Variants in SPRY3 observed in about 807,000 individuals in gnomAD.
SPRY3 encodes protein sprouty homolog 3.
In SPRY3, 15 loss-of-function variants were observed where a neutral mutation model predicts 20.2. The ratio of observed to expected loss-of-function variants is 0.74; its 90% CI spans 0.50 to 1.14. The LOEUF is 1.14. SPRY3 is among the 50% of genes most tolerant of loss of function. SPRY3 has a pLI of 0.00. For missense variants in SPRY3, 364 were observed against 363.9 expected (o/e 1.00, Z 0.00); for synonymous variants, 143 against 136.5 (o/e 1.05, Z -0.33).
At chrX:155,645,760 A>T (rs2067955810) in intron 1 of SPRY3, among the ~76,000 whole-genome samples, 1 of 111,897 alleles carries the variant, frequency 8.9e-6, no homozygotes, top group Admixed American at 9.5e-5. Flanking sequence ...TGCCTCTTTC[A>T]GTGATTTGAA....
At chrX:155,620,764 G>T (rs2067868628) in intron 1 of SPRY3, among the ~76,000 whole-genome samples, 1 of 111,956 alleles carries the variant, frequency 8.9e-6, no homozygotes, top group Non-Finnish European at 1.9e-5. Context: ...TGGTTACACA[G>T]TGTATACATT....
chrX:155,735,165 T>C (rs2091159747), intron 2 of SPRY3, among the ~76,000 whole-genome samples: 1 of 151,980 alleles, frequency 6.6e-6, no homozygotes, highest in Non-Finnish European at 1.5e-5. Flanking sequence ...TTTCTTCCTA[T>C]TTTTCTGTTA....
At chrX:155,757,180 A>C (rs1290262304) in intron 2 of SPRY3, among the ~76,000 whole-genome samples, 1 of 152,170 alleles carries the variant, frequency 6.6e-6, no homozygotes, top group African/African-American at 2.4e-5. Context: ...TAACCCTCTG[A>C]TACCTCTCTG....
At chrX:155,722,754 T>C (rs2091068573) in intron 2 of SPRY3, among the ~76,000 whole-genome samples, 1 of 152,042 alleles carries the variant, frequency 6.6e-6, no homozygotes, top group African/African-American at 2.4e-5. Context: ...AAAAAAGTAA[T>C]ATCCTTTGAT....
rs192057977 is a variant in SPRY3, at chrX:155,630,681, A to C, written c.-441+18034A>C. ...GATCCTTTTTTTGTCTTTGATTTTT[A>C]ATAGTTTGGTCATAGTATTCTTATT... On this transcript the variant is annotated intron_variant, in intron 1 of 3. Transcript: ENST00000675360. 7.2e-5 allele frequency among the ~76,000 whole-genome samples: 8 copies of C among 110,909 alleles called. No individual in the cohort carries two copies. In the Admixed American group the frequency reaches 7.7e-4, roughly 11 times the overall value.
chrX:155,707,398 T>C (rs1221297774), intron 2 of SPRY3, among the ~76,000 whole-genome samples: 1 of 151,314 alleles, frequency 6.6e-6, no homozygotes, highest in African/African-American at 2.4e-5. Context: ...TGGCCTATTA[T>C]ATGGTCTATA....
chrX:155,767,495 G>A (rs1011904137), intron 2 of SPRY3, among the ~76,000 whole-genome samples: 1 of 151,740 alleles, frequency 6.6e-6, no homozygotes, highest in African/African-American at 2.4e-5. Context: ...CTGCTGCTTC[G>A]GTTCATCTGT....
At chrX:155,736,450 A>T (rs1195035588) in intron 2 of SPRY3, among the ~76,000 whole-genome samples, 2 of 151,870 alleles carry the variant, frequency 1.3e-5, no homozygotes, top group African/African-American at 4.8e-5. Context: ...GGACAGTTTA[A>T]TTGGATATAG....
At position 155,774,185 on chromosome X, in the gene SPRY3, C is replaced by T. The variant is rs750567053; in HGVS notation, c.314C>T (p.Pro105Leu). The T allele has an allele frequency of 2.3e-4, 372 of 1,614,008 alleles. 2 individuals carry two copies. The South Asian group carries it at 3.9e-3, about 17-fold the overall frequency. ...CAAAGGCTCTTGGCCAGCATTACACCCTCACCTTCAGGCCAATCCATCATC... is the reference window on the plus strand; with the variant it reads ...CAAAGGCTCTTGGCCAGCATTACACTCTCACCTTCAGGCCAATCCATCATC... The change falls in exon 4 of 4, where the codon CCC (proline) becomes CTC (leucine). Residue 105 changes from proline (P) to leucine (L), a missense_variant. Coordinates refer to ENST00000675360, the Ensembl canonical transcript of SPRY3.
chrX:155,721,514 T>C (rs2091057719), intron 2 of SPRY3, among the ~76,000 whole-genome samples: 1 of 151,752 alleles, frequency 6.6e-6, no homozygotes, highest in African/African-American at 2.4e-5. Flanking sequence ...ATAATCAAAC[T>C]CCCAAAGGTC....
chrX:155,755,068 G>GCACA (rs764248627), intron 2 of SPRY3, among the ~76,000 whole-genome samples: 1 of 144,002 alleles, frequency 6.9e-6, no homozygotes, highest in Non-Finnish European at 1.5e-5. Flanking sequence ...ACACGTGCGT[G>GCACA]CACACACACA....
At chrX:155,754,344 G>T (rs907562900) in intron 2 of SPRY3, among the ~76,000 whole-genome samples, 1 of 151,930 alleles carries the variant, frequency 6.6e-6, no homozygotes, top group African/African-American at 2.4e-5. Context: ...TTGTTGAAGA[G>T]ATTATTCTTT....
At chrX:155,728,954 T>A (rs756872027) in intron 2 of SPRY3, among the ~76,000 whole-genome samples, 54 of 152,022 alleles carry the variant, frequency 3.6e-4, no homozygotes, top group African/African-American at 1.3e-3. Context: ...TTCAAGACAA[T>A]AGCTATTAGA....
chrX:155,714,719 A>G (rs1307508805), intron 2 of SPRY3, among the ~76,000 whole-genome samples: 5 of 151,998 alleles, frequency 3.3e-5, no homozygotes, highest in Non-Finnish European at 7.4e-5. Context: ...GGAACCAGGG[A>G]TTGGAGTCAA....
At chrX:155,760,650 C>T (rs2124591458) in intron 2 of SPRY3, among the ~76,000 whole-genome samples, 1 of 152,248 alleles carries the variant, frequency 6.6e-6, no homozygotes, top group South Asian at 2.1e-4. Flanking sequence ...GGAGATGAAA[C>T]TTTTCCGCCT....
intron 2 of SPRY3, among the ~76,000 whole-genome samples, chrX:155,706,334 A>G (rs1022182328): frequency 6.6e-6 from 1 of 151,236 alleles, no homozygotes; most frequent in African/African-American, 2.4e-5. Context: ...AAAATGCCAC[A>G]GATAAAACTT....
intron 2 of SPRY3, among the ~76,000 whole-genome samples, chrX:155,700,509 C>A (rs1037724444): frequency 1.9e-5 from 2 of 104,839 alleles, no homozygotes; most frequent in African/African-American, 7.3e-5. Context: ...TTCACAATAG[C>A]CAAAAGGTGG....
chrX:155,683,864 G>T (rs1225658491), intron 2 of SPRY3, among the ~76,000 whole-genome samples: 1 of 111,936 alleles, frequency 8.9e-6, no homozygotes, highest in Non-Finnish European at 1.9e-5. Context: ...GCTTTTAAGG[G>T]AAGAGTAGAG....
At chrX:155,647,446 A>C (rs1427455234) in intron 1 of SPRY3, among the ~76,000 whole-genome samples, 2 of 110,434 alleles carry the variant, frequency 1.8e-5, no homozygotes, top group Admixed American at 9.6e-5. Context: ...TCCAAATGCT[A>C]TCCCTCCCCT....
Sources: gnomAD v4.1 joint callset for allele counts (sites outside exome capture counted in the v4.1 genomes callset) on GRCh38, gnomAD v4.1.1 for gene constraint, MANE v1.5 for transcripts, NCBI Gene and HGNC (gene_info 2026-07-23, HGNC 2026-07-21) for gene names.